Variants in BBS9 observed in about 807,000 individuals in gnomAD.
BBS9 encodes Bardet-Biedl syndrome 9, also known as protein PTHB1.
BBS9 carries 89 observed loss-of-function variants against 117.7 expected under a neutral mutation model. The ratio of observed to expected loss-of-function variants is 0.76; its 90% confidence interval spans 0.64 to 0.90. BBS9 has a LOEUF of 0.90. BBS9 is among the 40% of genes least tolerant of loss of function. The pLI is 0.00. For missense variants in BBS9, 982 were observed against 1,042.2 expected (o/e 0.94, Z 0.80); for synonymous variants, 379 against 370.9 (o/e 1.02, Z -0.25).
At chr7:33,619,314 G>A (rs554039306) in intron 21 of BBS9, among the ~76,000 whole-genome samples, 1 of 152,224 alleles carries the variant, frequency 6.6e-6, no homozygotes, top group East Asian at 1.9e-4. Context: ...TATAACGATT[G>A]TAAATATGTA....
chr7:33,550,252 A>G (rs1854175859), intron 21 of BBS9, among the ~76,000 whole-genome samples: 1 of 152,198 alleles, frequency 6.6e-6, no homozygotes, highest in Admixed American at 6.5e-5. Context: ...TTTTCAGTGT[A>G]AATTTGTGAA....
At chr7:33,591,212 A>C (rs1861862305) in intron 21 of BBS9, among the ~76,000 whole-genome samples, 1 of 152,008 alleles carries the variant, frequency 6.6e-6, no homozygotes, top group Non-Finnish European at 1.5e-5. Context: ...TCAACAAGTA[A>C]ATATTAAGCA....
chr7:33,313,720 G>A (rs1322587350), intron 9 of BBS9, among the ~76,000 whole-genome samples: 1 of 152,072 alleles, frequency 6.6e-6, no homozygotes, highest in East Asian at 1.9e-4. Context: ...CATTTTACTT[G>A]TCCTTTTCTT....
chr7:33,479,540 C>T (rs944912976), intron 19 of BBS9, among the ~76,000 whole-genome samples: 3 of 152,078 alleles, frequency 2.0e-5, no homozygotes, highest in Admixed American at 1.3e-4. Context: ...GATTCCATGT[C>T]TTTGCTATTG....
At chr7:33,225,318 C>A (rs1020437882) in intron 5 of BBS9, among the ~76,000 whole-genome samples, 1 of 152,160 alleles carries the variant, frequency 6.6e-6, no homozygotes, top group Non-Finnish European at 1.5e-5. Context: ...CCGCCTCAGC[C>A]TCCCAAGTAG....
chr7:33,175,364 G>A (rs1797195703), intron 4 of BBS9, among the ~76,000 whole-genome samples: 1 of 151,772 alleles, frequency 6.6e-6, no homozygotes, highest in Non-Finnish European at 1.5e-5. Flanking sequence ...TGGGGACCAT[G>A]GAACTGAGTA....
intron 9 of BBS9, among the ~76,000 whole-genome samples, chr7:33,308,702 A>G (rs1055408909): frequency 6.6e-6 from 1 of 152,138 alleles, no homozygotes; most frequent in African/African-American, 2.4e-5. Context: ...AGATGAATAG[A>G]TCTCTCCTTG....
chr7:33,370,461 C>T (rs1308054330), intron 17 of BBS9, among the ~76,000 whole-genome samples: 2 of 151,766 alleles, frequency 1.3e-5, no homozygotes, highest in African/African-American at 4.8e-5. Flanking sequence ...CAGAGTGAGA[C>T]CCTGTCTCAA....
intron 5 of BBS9, among the ~76,000 whole-genome samples, chr7:33,253,727 C>T (rs1479443041): frequency 2.0e-5 from 3 of 152,118 alleles, no homozygotes; most frequent in Non-Finnish European, 4.4e-5. Context: ...TCTCTGAGGC[C>T]AAGACAACTG....
chr7:33,441,292 A>T (rs1318021980), intron 19 of BBS9, among the ~76,000 whole-genome samples: 1 of 144,254 alleles, frequency 6.9e-6, no homozygotes, highest in Non-Finnish European at 1.5e-5. Flanking sequence ...AAAAAAAAAA[A>T]TAAAATAAAA....
chr7:33,245,623 T>G (rs545147499), intron 5 of BBS9, among the ~76,000 whole-genome samples: 14 of 152,296 alleles, frequency 9.2e-5, no homozygotes, highest in Non-Finnish European at 1.3e-4. Context: ...TATGGAATTG[T>G]CATGTGAATA....
intron 19 of BBS9, among the ~76,000 whole-genome samples, chr7:33,502,829 A>G (rs1845635476): frequency 6.6e-6 from 1 of 152,188 alleles, no homozygotes; most frequent in Non-Finnish European, 1.5e-5. Context: ...CTACTAGGTG[A>G]TGGTCAGGCT....
intron 21 of BBS9, among the ~76,000 whole-genome samples, chr7:33,630,787 G>C (rs1865854426): frequency 1.5e-5 from 2 of 134,608 alleles, no homozygotes; most frequent in Admixed American, 1.5e-4. Flanking sequence ...GCAGAGGCAT[G>C]GTTTCCTGCC....
At chr7:33,335,965 A>G (rs1584385166) in intron 9 of BBS9, among the ~76,000 whole-genome samples, 1 of 152,086 alleles carries the variant, frequency 6.6e-6, no homozygotes, top group East Asian at 1.9e-4. Flanking sequence ...GGCTTCCCAC[A>G]TCAACTTCGT....
rs114706164 is a variant in BBS9, at chr7:33,560,242, G to C, written c.2521+26066G>C. Among the ~76,000 whole-genome samples, 263 of 152,306 alleles carry C rather than the reference G, an allele frequency of 1.7e-3. 1 individual carries two copies. The highest frequency in any genetic ancestry group is 6.2e-3 in the African/African-American group (258 of 41,558). ...TGTAGTATATCTCTTTCCTGGCCCT[G>C]AAATTGTGTAGAACAACTGGATTTT... On this transcript the variant is annotated intron_variant, in intron 21 of 22. Transcript: ENST00000242067.
At chr7:33,605,023 T>G in intron 22 of BBS9, 48 bp downstream of exon 22, 1 of 1,528,588 alleles carries the variant, frequency 6.5e-7, no homozygotes, top group East Asian at 2.3e-5. Flanking sequence ...TCAGAAGCAG[T>G]GACAATCTGG....
chr7:33,551,150 G>C (rs1854350596), intron 21 of BBS9, among the ~76,000 whole-genome samples: 1 of 152,110 alleles, frequency 6.6e-6, no homozygotes, highest in African/African-American at 2.4e-5. Flanking sequence ...GTTAAAAATA[G>C]GCTTGGGAGT....
chr7:33,522,528 G>GGCT (rs1302414696), intron 20 of BBS9, among the ~76,000 whole-genome samples: 1 of 151,924 alleles, frequency 6.6e-6, no homozygotes, highest in Non-Finnish European at 1.5e-5. Flanking sequence ...TGTGTTTTTT[G>GGCT]GCTGCATAAA....
chr7:33,366,975 CATA>C (rs1821892366), intron 16 of BBS9, among the ~76,000 whole-genome samples: 2 of 152,168 alleles, frequency 1.3e-5, no homozygotes, highest in Non-Finnish European at 2.9e-5. Flanking sequence ...ACAGAGGGCA[CATA>C]ATATTTGTTT....
Sources: gnomAD v4.1 joint callset for allele counts (sites outside exome capture counted in the v4.1 genomes callset) on GRCh38, gnomAD v4.1.1 for gene constraint, MANE v1.5 for transcripts, NCBI Gene and HGNC (gene_info 2026-07-23, HGNC 2026-07-21) for gene names.